Variants in MNAT1 observed in about 807,000 individuals in gnomAD.
MNAT1 encodes MNAT1 component of CDK activating kinase.
In MNAT1, 43 loss-of-function variants were observed where a neutral mutation model predicts 42.0. The ratio of observed to expected loss-of-function variants is 1.02; its 90% CI spans 0.80 to 1.32. The LOEUF (loss-of-function observed/expected upper bound fraction) is 1.32, where lower values mean the gene tolerates loss of function less well. MNAT1 is among the 40% of genes most tolerant of loss of function. MNAT1 has a pLI of 0.00. For synonymous variants in MNAT1, 118 were observed against 120.0 expected (o/e 0.98, Z 0.11); for missense variants, 306 against 350.4 (o/e 0.87, Z 1.01).
intron 6 of MNAT1, among the ~76,000 whole-genome samples, chr14:60,837,041 C>G (rs1313467937): frequency 2.6e-5 from 4 of 152,222 alleles, no homozygotes; most frequent in African/African-American, 7.2e-5. Context: ...ATCACCTACT[C>G]AAGCCTAAGT....
chr14:60,955,085 A>C (rs962216943), intron 7 of MNAT1, among the ~76,000 whole-genome samples: 4 of 151,922 alleles, frequency 2.6e-5, no homozygotes, highest in Non-Finnish European at 5.9e-5. Flanking sequence ...TGATTCTTTT[A>C]ATATGCTGTT....
chr14:60,920,406 A>T (rs1043645568), intron 7 of MNAT1, among the ~76,000 whole-genome samples: 4 of 151,636 alleles, frequency 2.6e-5, no homozygotes, highest in Admixed American at 6.6e-5. Context: ...CCTTTCCATT[A>T]TGGATTGAAA....
chr14:60,958,318 T>C (rs187785006), intron 7 of MNAT1, among the ~76,000 whole-genome samples: 53 of 152,192 alleles, frequency 3.5e-4, no homozygotes, highest in Non-Finnish European at 7.5e-4. Flanking sequence ...TGGCATTTTT[T>C]TTTTCTTTCA....
intron 1 of MNAT1, among the ~76,000 whole-genome samples, chr14:60,789,247 A>G (rs1488805119): frequency 1.3e-5 from 2 of 152,128 alleles, no homozygotes; most frequent in Non-Finnish European, 2.9e-5. Context: ...GAGTACATAC[A>G]ACATTTATTA....
At chr14:60,762,930 T>C (rs965762323) in intron 1 of MNAT1, among the ~76,000 whole-genome samples, 1 of 152,230 alleles carries the variant, frequency 6.6e-6, no homozygotes, top group Middle Eastern at 3.4e-3. Context: ...TGCAGTTTGG[T>C]TTATCAGTTG....
intron 1 of MNAT1, among the ~76,000 whole-genome samples, chr14:60,791,688 A>T: frequency 6.6e-6 from 1 of 152,190 alleles, no homozygotes; most frequent in East Asian, 1.9e-4. Context: ...CTTGAAATCC[A>T]TGTATGCAAA....
At position 60,818,794 on chromosome 14, in the gene MNAT1, C is replaced by T. The variant is rs368804790; in HGVS notation, c.634C>T (p.Leu212Phe). The change falls in exon 6 of 8, where the codon CTT (leucine) becomes TTT (phenylalanine). Residue 212 changes from leucine to phenylalanine, a missense_variant. Transcript: ENST00000261245. The part of the protein sequence containing the change: ...KDRSTQLEMQ[L>F]EKPKPVKPVT... ...TAGATCTACCCAATTAGAAATGCAA[C>T]TTGAGAAACCCAAACCTGTAAAACC... is the stretch of plus-strand genomic sequence containing the variant. 9.9e-6 allele frequency: 16 copies of T among 1,612,754 alleles called. No individual in the cohort carries two copies. The African/African-American group carries it at 1.2e-4, about 12-fold the overall frequency.
rs372647745 is a variant in MNAT1, at chr14:60,781,974, A to AT, written c.90-14227dup. On this transcript the variant is annotated intron_variant, in intron 1 of 7. Transcript: ENST00000261245. ...TTGTTTGTGTGTGTGTGTGTGTGTGATTTTTTTTTTTTTTTTAACAGAAGT... is the reference window on the plus strand; with the variant it reads ...TTGTTTGTGTGTGTGTGTGTGTGTGATTTTTTTTTTTTTTTTTAACAGAAGT... 4.8e-3 allele frequency among the ~76,000 whole-genome samples: 582 copies of AT among 120,410 alleles called. 3 individuals carry two copies. Among genetic ancestry groups the AT allele is most frequent in the Non-Finnish European group, 7.2e-3 (415 of 57,310 alleles). The allele number at this position is 120,410 out of a possible 152,430, so 79.0% of individuals were successfully genotyped here. A position where few individuals can be genotyped will look rare whatever the true frequency, so the allele number is the denominator to read the frequency against.
chr14:60,917,608 T>G (rs1216552042), intron 7 of MNAT1, among the ~76,000 whole-genome samples: 1 of 151,644 alleles, frequency 6.6e-6, no homozygotes, highest in African/African-American at 2.4e-5. Context: ...GATTTGAGTT[T>G]TGTTTTTTTT....
intron 7 of MNAT1, among the ~76,000 whole-genome samples, chr14:60,921,175 T>C (rs1481037758): frequency 6.6e-6 from 1 of 152,200 alleles, no homozygotes; most frequent in Admixed American, 6.5e-5. Flanking sequence ...TGTCATTCAC[T>C]CCTATTTTCA....
chr14:60,778,024 T>A (rs905060572), intron 1 of MNAT1, among the ~76,000 whole-genome samples: 2 of 152,236 alleles, frequency 1.3e-5, no homozygotes, highest in Admixed American at 6.5e-5. Flanking sequence ...AAATCTGTGC[T>A]GGGTCTAACT....
intron 7 of MNAT1, among the ~76,000 whole-genome samples, chr14:60,960,169 G>T (rs553930926): frequency 2.0e-5 from 3 of 152,186 alleles, no homozygotes; most frequent in African/African-American, 7.2e-5. Context: ...AGGTTACCTT[G>T]TCTCTGTTAT....
chr14:60,852,707 T>G (rs1484117139), intron 6 of MNAT1, among the ~76,000 whole-genome samples: 1 of 152,224 alleles, frequency 6.6e-6, no homozygotes, highest in Admixed American at 6.5e-5. Flanking sequence ...TAATCCATCT[T>G]GAGTTAATTT....
Position 60,780,461 on chromosome 14 carries a change from G to C in MNAT1, c.90-15756G>C. 3.9e-6 allele frequency: 6 copies of C among 1,536,696 alleles called. No homozygotes were observed. In the South Asian group the frequency reaches 5.6e-5, roughly 14 times the overall value. ...GCTGATTTACACAGACAAAGATTTGGTTGTACCTGAAAAATGGGAAGAGTC... is the reference window on the plus strand; with the variant it reads ...GCTGATTTACACAGACAAAGATTTGCTTGTACCTGAAAAATGGGAAGAGTC... On this transcript the variant is annotated intron_variant, in intron 1 of 7. Transcript: ENST00000261245.
intron 1 of MNAT1, among the ~76,000 whole-genome samples, chr14:60,741,313 C>A (rs1210411191): frequency 6.6e-6 from 1 of 151,966 alleles, no homozygotes; most frequent in African/African-American, 2.4e-5. Flanking sequence ...GTAGCTAGGA[C>A]TACAGGTGCA....
intron 6 of MNAT1, among the ~76,000 whole-genome samples, chr14:60,878,960 C>G (rs2034490870): frequency 6.6e-6 from 1 of 152,110 alleles, no homozygotes; most frequent in Non-Finnish European, 1.5e-5. Flanking sequence ...GTAAGCTGAA[C>G]CAGCTGAGAT....
intron 1 of MNAT1, among the ~76,000 whole-genome samples, chr14:60,744,885 G>C (rs935172194): frequency 2.0e-5 from 3 of 152,100 alleles, no homozygotes; most frequent in African/African-American, 7.2e-5. Context: ...GCTCTGGCTG[G>C]TGGGAACTCT....
rs141315834 is a variant in MNAT1, at chr14:60,827,981, G to A, written c.687+9134G>A. Among the ~76,000 whole-genome samples the A allele has an allele frequency of 3.5e-3, 528 of 152,240 alleles. 3 individuals carry two copies. The highest frequency in any genetic ancestry group is 0.011 in the African/African-American group (461 of 41,568). On this transcript the variant is annotated intron_variant, in intron 6 of 7. Transcript: ENST00000261245. ...ATTCCATTCTATTTTAAAGAAAATGGAGGTTCTTAAAACTTAAGATAATCC... is the reference window on the plus strand; with the variant it reads ...ATTCCATTCTATTTTAAAGAAAATGAAGGTTCTTAAAACTTAAGATAATCC...
Position 60,787,651 on chromosome 14 carries a change from A to G in MNAT1, c.90-8566A>G, listed in dbSNP as rs1043916232. ...TTGGAATCAATTCTCAAACCTTGCC[A>G]CAGCTTTATCAACTAACTGTATATG... On this transcript the variant is annotated intron_variant, in intron 1 of 7. Coordinates refer to ENST00000261245, the MANE Select transcript of MNAT1 (RefSeq NM_002431.4). Among the ~76,000 whole-genome samples, 4 of 152,230 alleles carry G rather than the reference A, an allele frequency of 2.6e-5. No individual in the cohort carries two copies. The South Asian group carries it at 8.3e-4, about 31-fold the overall frequency.
Sources: allele counts gnomAD v4.1 joint callset (sites outside exome capture counted in the v4.1 genomes callset), GRCh38; gene constraint gnomAD v4.1.1; transcripts MANE v1.5; gene names NCBI Gene and HGNC (gene_info 2026-07-23, HGNC 2026-07-21).